TANGO6: variants seen among roughly 807,000 people sequenced by gnomAD.
TANGO6 encodes transport and golgi organization 6 homolog.
TANGO6 carries 90 observed loss-of-function variants against 114.2 expected under a neutral mutation model. The ratio of observed to expected loss-of-function variants is 0.79; its 90% confidence interval spans 0.66 to 0.94. The LOEUF (loss-of-function observed/expected upper bound fraction) is 0.94, where lower values mean the gene tolerates loss of function less well. Ranked by LOEUF, TANGO6 falls within the 40% of genes least tolerant of loss-of-function variation. The pLI is 0.00. For synonymous variants in TANGO6, 477 were observed against 509.8 expected (o/e 0.94, Z 0.87); for missense variants, 1,274 against 1,315.3 (o/e 0.97, Z 0.49).
chr16:68,909,220 C>T lies in TANGO6; in HGVS notation c.1810C>T (p.His604Tyr). 1.9e-6 allele frequency: 3 copies of T among 1,577,500 alleles called. No individual in the cohort carries two copies. Among genetic ancestry groups the T allele is most frequent in the Non-Finnish European group, 2.6e-6 (3 of 1,158,110 alleles). ...CCTGCCATGCTTGTAGGAGTTGACTCATGTGGCCTCGGAAAATGAAACAGA... is the reference window on the plus strand; with the variant it reads ...CCTGCCATGCTTGTAGGAGTTGACTTATGTGGCCTCGGAAAATGAAACAGA... ...FFIFCLKELTHVASENETELK... is the reference protein window; with the variant it reads ...FFIFCLKELTYVASENETELK... The change falls in exon 11 of 18, where the codon CAT becomes TAT. Residue 604 changes from histidine (H) to tyrosine (Y), a missense_variant. His to Tyr is a moderately conservative substitution (Grantham distance 83, BLOSUM62 2). Around this residue, in one of 5 missense-constraint regions of TANGO6, gnomAD observed 908 missense variants for 910.2 expected, o/e 1.00. Transcript: ENST00000261778.
chr16:68,929,285 T>G (rs1264874161), intron 13 of TANGO6, among the ~76,000 whole-genome samples: 1 of 152,202 alleles, frequency 6.6e-6, no homozygotes, highest in Non-Finnish European at 1.5e-5. Context: ...TTTTTTAGCT[T>G]AATTAAACCT....
rs1962192807 is a variant in TANGO6, at chr16:68,867,207, G to C, written c.981G>C (p.Leu327Phe). ...TTCAGGCAGTAGTCCGGGGCATTTT[G>C]GAAGGAGCAGGTGGTAAGAAATAAA... Reference protein sequence around the residue: ...NGVQAVVRGILEGAGAGAAGG... With the variant: ...NGVQAVVRGIFEGAGAGAAGG... Residue 327 changes from leucine (L) to phenylalanine (F), a missense_variant, in exon 4 of 18, where the codon TTG (leucine) becomes TTC (phenylalanine). Physicochemically the swap from Leu to Phe is conservative, Grantham distance 22 (BLOSUM62 0). Around this residue, in one of 5 missense-constraint regions of TANGO6, gnomAD observed 908 missense variants for 910.2 expected, o/e 1.00. Coordinates refer to ENST00000261778, the MANE Select transcript of TANGO6 (RefSeq NM_024562.2). 6.2e-7 allele frequency: 1 copy of C among 1,613,830 alleles called. No individual in the cohort carries two copies. The highest frequency in any genetic ancestry group is 1.3e-5 in the African/African-American group (1 of 75,022).
chr16:68,967,362 G>T (rs997755816), intron 14 of TANGO6, among the ~76,000 whole-genome samples: 2 of 152,144 alleles, frequency 1.3e-5, no homozygotes, highest in African/African-American at 4.8e-5. Flanking sequence ...TGCCTCCAAT[G>T]ATCTGACAGA....
chr16:68,969,152 C>T (rs994903556), intron 14 of TANGO6, among the ~76,000 whole-genome samples: 1 of 152,096 alleles, frequency 6.6e-6, no homozygotes, highest in African/African-American at 2.4e-5. Context: ...AGAAAGAGGT[C>T]TCTCTCACAC....
intron 4 of TANGO6, among the ~76,000 whole-genome samples, chr16:68,870,352 T>G (rs1232622364): frequency 2.0e-5 from 3 of 152,208 alleles, no homozygotes; most frequent in Non-Finnish European, 4.4e-5. Flanking sequence ...GAGGTCAGTG[T>G]GGTTGGCAGA....
chr16:68,875,111 G>T, intron 4 of TANGO6, 43 bp from the exon 5 acceptor site: 1 of 1,559,346 alleles, frequency 6.4e-7, no homozygotes, highest in Non-Finnish European at 8.8e-7. Flanking sequence ...ACCTTCTGTG[G>T]GGAATTGCTG....
At chr16:68,887,365 AGGT>A (rs1301162214) in intron 7 of TANGO6, among the ~76,000 whole-genome samples, 29 of 152,186 alleles carry the variant, frequency 1.9e-4, no homozygotes, top group Non-Finnish European at 3.5e-4. Context: ...ATCAGACTGC[AGGT>A]TATCTGGTTT....
At chr16:69,063,802 CTTCTTCTTA>C (rs1176025738) in intron 17 of TANGO6, among the ~76,000 whole-genome samples, 32 of 124,416 alleles carry the variant, frequency 2.6e-4, no homozygotes, top group African/African-American at 8.6e-4. Context: ...TCTTCTTCTT[CTTCTTCTTA>C]TTATTATTAT....
chr16:68,862,449 G>C (rs113019823), intron 2 of TANGO6, among the ~76,000 whole-genome samples: 1 of 151,662 alleles, frequency 6.6e-6, no homozygotes, highest in African/African-American at 2.4e-5. Flanking sequence ...CGCCCCCCTC[G>C]GCCTCCCAAA....
At chr16:68,927,484 C>T in intron 12 of TANGO6, 84 bp from the exon 13 acceptor site, 9 of 1,465,434 alleles carry the variant, frequency 6.1e-6, no homozygotes, top group Admixed American at 6.0e-5. Context: ...GCCCTTTTTT[C>T]TCAGAATATG....
intron 3 of TANGO6, 31 bp downstream of exon 3, chr16:68,863,092 C>CACATTA: frequency 1.5e-6 from 2 of 1,318,780 alleles, no homozygotes; most frequent in Non-Finnish European, 2.1e-6. Context: ...TTGGGGGTGA[C>CACATTA]TCATTAATGA....
At position 68,967,187 on chromosome 16, in the gene TANGO6, G is replaced by C. The variant is rs1410051281; in HGVS notation, c.2702-6841G>C. Among the ~76,000 whole-genome samples, 5 of 152,322 alleles carry C rather than the reference G, an allele frequency of 3.3e-5. No homozygotes were observed. In the East Asian group the frequency reaches 9.6e-4, roughly 29 times the overall value. ...GGCACCAGGGACTGGTTTCATGGAA[G>C]ACAATATTTCCATGGACGGGACGGT... is the stretch of plus-strand genomic sequence containing the variant. On this transcript the variant is annotated intron_variant, in intron 14 of 17. Coordinates refer to ENST00000261778, the MANE Select transcript of TANGO6 (RefSeq NM_024562.2).
At chr16:68,954,667 T>TA (rs1963508162) in intron 14 of TANGO6, among the ~76,000 whole-genome samples, 1 of 152,322 alleles carries the variant, frequency 6.6e-6, no homozygotes, top group Admixed American at 6.5e-5. Context: ...CCTACTTTCA[T>TA]AAAATGCAAT....
chr16:69,083,820 T>G lies in TANGO6; in HGVS notation c.*159T>G, dbSNP rs575395827. On this transcript the variant is annotated 3_prime_UTR_variant, in exon 18 of 18. Coordinates refer to ENST00000261778, the MANE Select transcript of TANGO6 (RefSeq NM_024562.2). ...AGGTCACTTGGGTCTTCAGGGTCCC[T>G]TCCGAGGGCATGTGTTCAGCACTCC... 167 of 709,216 alleles carry G rather than the reference T, an allele frequency of 2.4e-4. No homozygotes were observed. The highest frequency in any genetic ancestry group is 3.6e-4 in the Non-Finnish European group (157 of 438,692). 43.9% of individuals were successfully genotyped at this position (709,216 alleles called of 1,614,324 possible). A position where few individuals can be genotyped will look rare whatever the true frequency, so the allele number is the denominator to read the frequency against.
intron 3 of TANGO6, among the ~76,000 whole-genome samples, chr16:68,866,427 T>C (rs1962178435): frequency 1.3e-5 from 2 of 148,332 alleles, no homozygotes; most frequent in Non-Finnish European, 3.0e-5. Context: ...ATCGAGACCA[T>C]CCTGGCTAAC....
Position 68,850,209 on chromosome 16 carries a change from T to TACGA in TANGO6, c.94+6498_94+6499insACGA, listed in dbSNP as rs981676882. The stretch of plus-strand genomic sequence containing the variant: ...GTCTGGTCTCGAACTCCTGACCTCG[T>TACGA]GATCCACCCACGTCAGCCTCCCAAA... On this transcript the variant is annotated intron_variant, in intron 1 of 17. Coordinates refer to ENST00000261778, the MANE Select transcript of TANGO6 (RefSeq NM_024562.2). Among the ~76,000 whole-genome samples, 13 of 152,196 alleles carry TACGA rather than the reference T, an allele frequency of 8.5e-5. No homozygotes were observed. In the East Asian group the frequency reaches 2.5e-3, roughly 29 times the overall value.
intron 15 of TANGO6, among the ~76,000 whole-genome samples, chr16:68,990,561 T>C (rs1357038655): frequency 2.0e-5 from 3 of 152,148 alleles, no homozygotes; most frequent in African/African-American, 4.8e-5. Flanking sequence ...CAAACCATAT[T>C]ACCTGGCTAA....
At chr16:69,001,144 A>G (rs1440430565) in intron 15 of TANGO6, among the ~76,000 whole-genome samples, 1 of 152,210 alleles carries the variant, frequency 6.6e-6, no homozygotes, top group Non-Finnish European at 1.5e-5. Context: ...TACCAGGTGC[A>G]GAGCCTAGGA....
chr16:68,869,039 A>G (rs1459952598), intron 4 of TANGO6, among the ~76,000 whole-genome samples: 2 of 152,166 alleles, frequency 1.3e-5, no homozygotes, highest in African/African-American at 4.8e-5. Flanking sequence ...TCTATATTGT[A>G]TATTATGATT....
Sources: gnomAD v4.1 joint callset for allele counts (sites outside exome capture counted in the v4.1 genomes callset) on GRCh38, gnomAD v4.1.1 for gene constraint, gnomAD v4.1.1 regional missense constraint, MANE v1.5 for transcripts, NCBI Gene and HGNC (gene_info 2026-07-23, HGNC 2026-07-21) for gene names.